CMC2: variants seen among roughly 807,000 people sequenced by gnomAD.
CMC2 encodes C-X9-C motif containing 2, also known as COX assembly mitochondrial protein 2 homolog.
A neutral mutation model predicts 7.5 loss-of-function variants in CMC2; 5 were observed. The observed-to-expected ratio is 0.66, with a 90% CI of 0.35 to 1.40. The LOEUF (loss-of-function observed/expected upper bound fraction) is 1.40. Among genes scored for constraint, CMC2 ranks in the 40% most tolerant of loss-of-function variants. The pLI, the probability that CMC2 is intolerant of heterozygous loss-of-function variation, is 0.04. For synonymous variants in CMC2, 37 were observed against 31.4 expected (o/e 1.18, Z -0.60); for missense variants, 115 against 92.3 (o/e 1.25, Z -1.01).
rs1044077243 is a variant in CMC2, at chr16:80,970,007, G to A, written c.*6086C>T. On this transcript the variant is annotated 3_prime_UTR_variant, in exon 4 of 4. Coordinates refer to ENST00000219400, the MANE Select transcript of CMC2 (RefSeq NM_020188.5). ...AGGGAGATATTAACACAAGACTAGC[G>A]GTGAGCATTAAGTATGTCTTTATTG... 7.2e-5 allele frequency: 11 copies of A among 152,136 alleles called. No homozygotes were observed. Among genetic ancestry groups the A allele is most frequent in the African/African-American group, 2.4e-4 (10 of 41,420 alleles). 9.4% of individuals were successfully genotyped at this position (152,136 alleles called of 1,614,324 possible).
chr16:80,976,423 C>G (rs1912358739), intron 3 of CMC2, among the ~76,000 whole-genome samples: 1 of 152,206 alleles, frequency 6.6e-6, no homozygotes, highest in African/African-American at 2.4e-5. Flanking sequence ...AGTACAGCAT[C>G]TACATGCTAA....
intron 3 of CMC2, chr16:80,980,989 G>A: frequency 2.3e-6 from 1 of 437,066 alleles, no homozygotes; most frequent in East Asian, 3.5e-5. Context: ...AGGGAATCCA[G>A]GAAGGGAAAA....
chr16:81,005,607 A>G (rs1364003701), intron 1 of CMC2, among the ~76,000 whole-genome samples: 4 of 109,568 alleles, frequency 3.7e-5, no homozygotes, highest in Non-Finnish European at 8.6e-5. Flanking sequence ...TTCTAAACCG[A>G]TACCACTAAG....
At chr16:80,978,072 C>A (rs867488091) in intron 3 of CMC2, among the ~76,000 whole-genome samples, 458 of 145,156 alleles carry the variant, frequency 3.2e-3, no homozygotes, top group East Asian at 6.0e-3. Flanking sequence ...GACTTCGTCT[C>A]AAAAAAAAAG....
intron 1 of CMC2, among the ~76,000 whole-genome samples, chr16:81,003,014 G>C (rs531009343): frequency 6.6e-6 from 1 of 152,108 alleles, no homozygotes; most frequent in African/African-American, 2.4e-5. Flanking sequence ...CATATTTTTA[G>C]CTAGATATGT....
rs920676683 is a variant in CMC2, at chr16:81,006,716, T to G, written c.-36+18A>C. On this transcript the variant is annotated intron_variant, in intron 1 of 3. Coordinates refer to ENST00000219400, the MANE Select transcript of CMC2 (RefSeq NM_020188.5). ...ACAACGGAACGCGTTCGGAACGGCCTGGACTCCCGAGACTCACCCGACTCG... is the reference window on the plus strand; with the variant it reads ...ACAACGGAACGCGTTCGGAACGGCCGGGACTCCCGAGACTCACCCGACTCG... 1.0e-6 allele frequency: 1 copy of G among 985,390 alleles called. No individual in the cohort carries two copies. The allele number at this position is 985,390 out of a possible 1,614,324, so 61.0% of individuals were successfully genotyped here. A position where few individuals can be genotyped will look rare whatever the true frequency, so the allele number is the denominator to read the frequency against.
intron 1 of CMC2, chr16:81,001,411 T>C (rs1283264989): frequency 2.0e-5 from 3 of 152,072 alleles, no homozygotes; most frequent in Non-Finnish European, 2.9e-5. Flanking sequence ...GCACCTAAAG[T>C]AGTCAAAATC....
chr16:80,972,355 ATT>A lies in CMC2; in HGVS notation c.*3736_*3737del, dbSNP rs56297803. ...GAGCAACTCCCTTGGGACAGTGAGG[ATT>A]TTTTGTTTTTCGTTTTTTTTGTTTT... On this transcript the variant is annotated 3_prime_UTR_variant, in exon 4 of 4. Coordinates refer to ENST00000219400, the MANE Select transcript of CMC2 (RefSeq NM_020188.5). 6.6e-6 allele frequency: 1 copy of A among 151,738 alleles called. No individual in the cohort carries two copies. The highest frequency in any genetic ancestry group is 6.6e-5 in the Admixed American group (1 of 15,234). 9.4% of individuals were successfully genotyped at this position (151,738 alleles called of 1,614,324 possible).
At chr16:81,005,646 C>G (rs1969244497) in intron 1 of CMC2, among the ~76,000 whole-genome samples, 2 of 152,054 alleles carry the variant, frequency 1.3e-5, no homozygotes, top group South Asian at 4.1e-4. Flanking sequence ...ACTGTAGACC[C>G]CATGCCAGGC....
intron 2 of CMC2, among the ~76,000 whole-genome samples, chr16:80,990,757 C>A (rs568358736): frequency 6.6e-6 from 1 of 152,164 alleles, no homozygotes; most frequent in East Asian, 1.9e-4. Context: ...CTTACTCTGT[C>A]ACCCAGGCTG....
chr16:81,005,673 C>T (rs1287213646), intron 1 of CMC2, among the ~76,000 whole-genome samples: 3 of 152,086 alleles, frequency 2.0e-5, no homozygotes, highest in African/African-American at 4.8e-5. Context: ...TGGGAGGGAC[C>T]CGGGGGTGCT....
chr16:80,993,390 T>A (rs1208428758), intron 2 of CMC2, among the ~76,000 whole-genome samples: 1 of 152,094 alleles, frequency 6.6e-6, no homozygotes, highest in Admixed American at 6.6e-5. Context: ...GAGGCAAACG[T>A]CAGAGGAATT....
At chr16:81,005,590 G>C (rs2549875) in intron 1 of CMC2, among the ~76,000 whole-genome samples, 2 of 151,650 alleles carry the variant, frequency 1.3e-5, no homozygotes, top group Non-Finnish European at 2.9e-5. Context: ...ACTTATCACA[G>C]GACCAGTTCT....
chr16:80,986,851 G>T (rs186256024), intron 2 of CMC2, among the ~76,000 whole-genome samples: 1 of 152,344 alleles, frequency 6.6e-6, no homozygotes, highest in East Asian at 1.9e-4. Flanking sequence ...AGATAAACCT[G>T]GAACTCAGAG....
chr16:80,979,441 A>T (rs1411049199), intron 3 of CMC2, among the ~76,000 whole-genome samples: 2 of 152,128 alleles, frequency 1.3e-5, no homozygotes, highest in Non-Finnish European at 2.9e-5. Flanking sequence ...TCATATGAAG[A>T]TCTAATTGAC....
Position 81,006,779 on chromosome 16 carries a change from G to A in CMC2, c.-81C>T, listed in dbSNP as rs1969399293. The stretch of plus-strand genomic sequence containing the variant: ...GAGAACTGAAGCGGCAGTAGCCGGC[G>A]GAGACGCCCGACCCGAAGGCCGGCT... On this transcript the variant is annotated 5_prime_UTR_variant, in exon 1 of 4. Coordinates refer to ENST00000219400, the MANE Select transcript of CMC2 (RefSeq NM_020188.5). 2 of 985,666 alleles carry A rather than the reference G, an allele frequency of 2.0e-6. No homozygotes were observed. Among genetic ancestry groups the A allele is most frequent in the Non-Finnish European group, 2.4e-6 (2 of 830,134 alleles). The allele number at this position is 985,666 out of a possible 1,614,324, so 61.1% of individuals were successfully genotyped here.
Position 81,000,886 on chromosome 16 carries a change from A to G in CMC2, c.-35-3457T>C, listed in dbSNP as rs1968815614. On this transcript the variant is annotated intron_variant, in intron 1 of 3. Coordinates refer to ENST00000219400, the MANE Select transcript of CMC2 (RefSeq NM_020188.5). ...AATAAACCGTTTTACAAAAAGAAAA[A>G]CATGCACTCATAAGTTCTTTGTAGC... Among the ~76,000 whole-genome samples, 3 of 152,250 alleles carry G rather than the reference A, an allele frequency of 2.0e-5. No homozygotes were observed. In the South Asian group the frequency reaches 6.2e-4, roughly 31 times the overall value.
Position 80,975,943 on chromosome 16 carries a change from C to G in CMC2, c.*150G>C. On this transcript the variant is annotated 3_prime_UTR_variant, in exon 4 of 4. Coordinates refer to ENST00000219400, the MANE Select transcript of CMC2 (RefSeq NM_020188.5). ...CCCTGCCCAACAAATACTCAGAATC[C>G]AGGGTTTTCATATTTCTCCATGGTT... is the stretch of plus-strand genomic sequence containing the variant. 1.6e-6 allele frequency: 1 copy of G among 611,826 alleles called. No homozygotes were observed. The allele number at this position is 611,826 out of a possible 1,614,324, so 37.9% of individuals were successfully genotyped here.
intron 3 of CMC2, chr16:80,980,799 G>C: frequency 1.4e-6 from 1 of 699,554 alleles, no homozygotes; most frequent in Non-Finnish European, 2.6e-6. Context: ...GGAGGCTGAG[G>C]TGGGAGGATC....
Sources: allele counts gnomAD v4.1 joint callset (sites outside exome capture counted in the v4.1 genomes callset), GRCh38; gene constraint gnomAD v4.1.1; transcripts MANE v1.5; gene names NCBI Gene and HGNC (gene_info 2026-07-23, HGNC 2026-07-21).